Variants in ADAM7 observed in about 807,000 individuals in gnomAD.
The protein encoded by ADAM7 is ADAM metallopeptidase domain 7.
A neutral mutation model predicts 102.9 loss-of-function variants in ADAM7; 97 were observed. The ratio of observed to expected loss-of-function variants is 0.94; its 90% CI spans 0.80 to 1.12. The LOEUF (loss-of-function observed/expected upper bound fraction) is 1.12, where lower values mean the gene tolerates loss of function less well. Among genes scored for constraint, ADAM7 ranks in the 50% most tolerant of loss-of-function variants. The pLI is 0.00. For synonymous variants in ADAM7, 334 were observed against 304.4 expected, an observed-to-expected ratio of 1.10 and a Z score of -1.01; for missense variants, 991 against 908.7, an observed-to-expected ratio of 1.09 and a Z score of -1.16.
chr8:24,480,709 A>G (rs1015156075), intron 8 of ADAM7, among the ~76,000 whole-genome samples: 2 of 152,100 alleles, frequency 1.3e-5, no homozygotes, highest in African/African-American at 4.8e-5. Context: ...AATTATTGCT[A>G]TGTAGTACTT....
At chr8:24,505,140 C>T (rs1820907069) in intron 20 of ADAM7, among the ~76,000 whole-genome samples, 1 of 152,114 alleles carries the variant, frequency 6.6e-6, no homozygotes, top group African/African-American at 2.4e-5. Context: ...TACGATGCCT[C>T]ATGTGCTGTT....
intron 16 of ADAM7, 104 bp downstream of exon 16, chr8:24,493,333 G>C (rs1820434473): frequency 9.9e-7 from 1 of 1,010,774 alleles, no homozygotes; most frequent in Non-Finnish European, 1.4e-6. Context: ...TATGGAAAAG[G>C]AAAAAATATT....
chr8:24,454,996 G>A (rs528984261), intron 3 of ADAM7, among the ~76,000 whole-genome samples: 43 of 152,026 alleles, frequency 2.8e-4, no homozygotes, highest in African/African-American at 8.7e-4. Context: ...TTGTATGTGC[G>A]TATGAGTCAC....
intron 7 of ADAM7, among the ~76,000 whole-genome samples, chr8:24,471,410 A>G (rs1354584988): frequency 6.6e-6 from 1 of 151,784 alleles, no homozygotes; most frequent in Non-Finnish European, 1.5e-5. Flanking sequence ...CGTCCAGAGA[A>G]ACCTCCAGGC....
intron 16 of ADAM7, among the ~76,000 whole-genome samples, chr8:24,494,563 G>A (rs781180159): frequency 1.2e-4 from 19 of 152,140 alleles, no homozygotes; most frequent in South Asian, 2.1e-4. Flanking sequence ...CTGTGACCAC[G>A]TACTCCGCAT....
At chr8:24,488,662 T>C (rs1331370315) in intron 11 of ADAM7, among the ~76,000 whole-genome samples, 1 of 152,164 alleles carries the variant, frequency 6.6e-6, no homozygotes, top group Non-Finnish European at 1.5e-5. Flanking sequence ...GAGATAAATT[T>C]CAGGTTAAGA....
chr8:24,472,519 T>C (rs1299369393), intron 7 of ADAM7, among the ~76,000 whole-genome samples: 3 of 151,974 alleles, frequency 2.0e-5, no homozygotes, highest in Non-Finnish European at 2.9e-5. Context: ...ATTAATTGTC[T>C]AAAAAATCAA....
chr8:24,502,483 A>C (rs1424904467), intron 20 of ADAM7, among the ~76,000 whole-genome samples: 1 of 152,066 alleles, frequency 6.6e-6, no homozygotes, highest in Non-Finnish European at 1.5e-5. Flanking sequence ...TGAGAAGATT[A>C]ATAAATTTTA....
At chr8:24,446,260 C>A (rs1185433433) in intron 2 of ADAM7, among the ~76,000 whole-genome samples, 1 of 151,970 alleles carries the variant, frequency 6.6e-6, no homozygotes, top group Non-Finnish European at 1.5e-5. Flanking sequence ...ATGAAAACTA[C>A]AAATAACTAA....
intron 10 of ADAM7, among the ~76,000 whole-genome samples, chr8:24,486,151 T>C (rs1414840892): frequency 6.6e-6 from 1 of 152,222 alleles, no homozygotes; most frequent in Non-Finnish European, 1.5e-5. Flanking sequence ...ACTTAGATTA[T>C]GCTATTATAA....
Position 24,499,331 on chromosome 8 carries a change from C to T in ADAM7, c.1923+15C>T, listed in dbSNP as rs937457062. 4 of 1,573,260 alleles carry T rather than the reference C, an allele frequency of 2.5e-6. No individual in the cohort carries two copies. In the African/African-American group the frequency reaches 4.1e-5, roughly 16 times the overall value. On this transcript the variant is annotated intron_variant, in intron 17 of 21. Transcript: ENST00000175238. ...ATGAAAATCCTGTAAGATATGACTG[C>T]TTTCAAAATTAATGTCTTATCAGCC...
Position 24,501,487 on chromosome 8 carries a change from G to T in ADAM7, c.2119G>T (p.Glu707Ter). The T allele has an allele frequency of 6.2e-7, 1 of 1,605,304 alleles. No homozygotes were observed. Among genetic ancestry groups the T allele is most frequent in the Non-Finnish European group, 8.5e-7 (1 of 1,177,156 alleles). The change falls in exon 20 of 22, where the codon GAA becomes TAA. Residue 707 changes from glutamate (E) to a stop codon, truncating the protein, a stop_gained. Transcript: ENST00000175238. LOFTEE classifies it high-confidence loss of function. ...TTTCCTTCTTGACAGCCCACCTACA[G>T]AAACCCTGGGAGTGGAGAACAAAGG... Reference protein sequence around the residue: ...KLKQVQSPPTETLGVENKGYF... With the variant: ...KLKQVQSPPT
intron 8 of ADAM7, among the ~76,000 whole-genome samples, chr8:24,481,418 T>C (rs970730629): frequency 6.6e-6 from 1 of 152,186 alleles, no homozygotes; most frequent in Admixed American, 6.6e-5. Context: ...TAGTTTATCA[T>C]TCACTTCCTT....
chr8:24,499,757 C>T (rs1820685125), intron 17 of ADAM7, among the ~76,000 whole-genome samples: 2 of 151,292 alleles, frequency 1.3e-5, no homozygotes, highest in African/African-American at 2.4e-5. Flanking sequence ...TGCCTAACAT[C>T]GCTCATAAGC....
At chr8:24,482,484 A>G (rs1283679970) in intron 9 of ADAM7, among the ~76,000 whole-genome samples, 173 bp downstream of exon 9, 2 of 152,186 alleles carry the variant, frequency 1.3e-5, no homozygotes, top group Admixed American at 6.6e-5. Flanking sequence ...ACCGTAGCAT[A>G]TATCTTTAAT....
chr8:24,505,043 C>A (rs1165794428), intron 20 of ADAM7, among the ~76,000 whole-genome samples: 2 of 152,012 alleles, frequency 1.3e-5, no homozygotes, highest in Non-Finnish European at 2.9e-5. Context: ...ATTCATTTGT[C>A]TTGAGGTTTA....
In ADAM7 at chr8:24,463,970, G is replaced by A. The variant is rs764800800; in HGVS notation, c.312+10G>A. ...GCATCCTCAGATCATGGTATCTTAT[G>A]GAACTTTACTGTGTCTCTTCTCTAA... On this transcript the variant is annotated intron_variant, in intron 4 of 21. Coordinates refer to ENST00000175238, the MANE Select transcript of ADAM7 (RefSeq NM_003817.4). 2.5e-6 allele frequency: 4 copies of A among 1,604,894 alleles called. No homozygotes were observed. Among genetic ancestry groups the A allele is most frequent in the Non-Finnish European group, 3.4e-6 (4 of 1,172,122 alleles).
chr8:24,455,137 G>A (rs928919594), intron 3 of ADAM7, among the ~76,000 whole-genome samples: 1 of 151,390 alleles, frequency 6.6e-6, no homozygotes, highest in African/African-American at 2.4e-5. Flanking sequence ...TTCCCAAAAA[G>A]TTTACTATGA....
chr8:24,447,613 G>T (rs932901187), intron 3 of ADAM7, among the ~76,000 whole-genome samples: 4 of 152,172 alleles, frequency 2.6e-5, no homozygotes, highest in African/African-American at 9.7e-5. Context: ...CTTCTAAGTT[G>T]TGTAAACTAG....
Sources: allele counts gnomAD v4.1 joint callset (sites outside exome capture counted in the v4.1 genomes callset), GRCh38; gene constraint gnomAD v4.1.1; transcripts MANE v1.5; gene names NCBI Gene and HGNC (gene_info 2026-07-23, HGNC 2026-07-21).